Variants in ATP1B3 observed in about 807,000 individuals in gnomAD.
The protein encoded by ATP1B3 is ATPase Na+/K+ transporting subunit beta 3.
A neutral mutation model predicts 30.2 loss-of-function variants in ATP1B3; 10 were observed. That is an observed-to-expected ratio of 0.33 (90% CI 0.20 to 0.56). The LOEUF is 0.56. ATP1B3 is among the 20% of genes least tolerant of loss of function. ATP1B3 has a pLI of 0.90. For missense variants in ATP1B3, 238 were observed against 336.7 expected (o/e 0.71, Z 2.29); for synonymous variants, 113 against 117.0 (o/e 0.97, Z 0.22).
At chr3:141,877,744 A>G (rs1394718296) in intron 1 of ATP1B3, among the ~76,000 whole-genome samples, 2 of 150,384 alleles carry the variant, frequency 1.3e-5, no homozygotes, top group Admixed American at 1.3e-4. Context: ...TCTTTGTTTT[A>G]ATATATTTAA....
At chr3:141,920,425 G>T (rs1446754124) in intron 5 of ATP1B3, among the ~76,000 whole-genome samples, 3 of 152,080 alleles carry the variant, frequency 2.0e-5, no homozygotes, top group Non-Finnish European at 4.4e-5. Context: ...TATTCAGGAG[G>T]CTGAGACAGG....
intron 4 of ATP1B3, among the ~76,000 whole-genome samples, chr3:141,915,268 A>G (rs953199861): frequency 7.2e-5 from 11 of 152,246 alleles, no homozygotes; most frequent in African/African-American, 2.7e-4. Flanking sequence ...AGATGAGCTT[A>G]CGTAGTGTAG....
chr3:141,903,194 T>C (rs911296411), intron 1 of ATP1B3, among the ~76,000 whole-genome samples: 2 of 152,222 alleles, frequency 1.3e-5, no homozygotes, highest in East Asian at 1.9e-4. Context: ...CTGTGAAATA[T>C]GCGTTTCATG....
At chr3:141,893,030 T>C (rs1463504982) in intron 1 of ATP1B3, among the ~76,000 whole-genome samples, 1 of 152,120 alleles carries the variant, frequency 6.6e-6, no homozygotes, top group East Asian at 1.9e-4. Context: ...CTTAGTTTTT[T>C]CTTTTTCTCA....
At chr3:141,917,145 G>A (rs1473440046) in intron 5 of ATP1B3, among the ~76,000 whole-genome samples, 1 of 151,560 alleles carries the variant, frequency 6.6e-6, no homozygotes, top group African/African-American at 2.4e-5. Context: ...GAGTCACCGC[G>A]CCTGGCCCAA....
intron 4 of ATP1B3, among the ~76,000 whole-genome samples, chr3:141,914,333 T>C (rs921841415): frequency 1.3e-5 from 2 of 152,156 alleles, no homozygotes; most frequent in African/African-American, 4.8e-5. Flanking sequence ...ACAAATAAAA[T>C]CCCATTCTAA....
intron 5 of ATP1B3, 58 bp from the exon 6 acceptor site, chr3:141,921,917 CAT>C (rs751866120): frequency 1.9e-5 from 17 of 909,488 alleles, no homozygotes; most frequent in Non-Finnish European, 2.3e-5. Flanking sequence ...TAATTATAAA[CAT>C]AGTTTTTACA....
intron 3 of ATP1B3, 42 bp from the exon 4 acceptor site, chr3:141,913,610 C>T: frequency 2.0e-6 from 3 of 1,484,152 alleles, no homozygotes; most frequent in South Asian, 1.4e-5. Flanking sequence ...TTTTTAGTAC[C>T]TTTTTTGGCT....
At chr3:141,923,086 T>G (rs1456912086) in intron 6 of ATP1B3, among the ~76,000 whole-genome samples, 1 of 152,154 alleles carries the variant, frequency 6.6e-6, no homozygotes, top group Non-Finnish European at 1.5e-5. Flanking sequence ...TAGACCAGCC[T>G]GACTAGCATA....
chr3:141,893,041 C>G (rs1222050713), intron 1 of ATP1B3, among the ~76,000 whole-genome samples: 1 of 152,072 alleles, frequency 6.6e-6, no homozygotes, highest in Admixed American at 6.6e-5. Flanking sequence ...CTTTTTCTCA[C>G]CCAGGCTGGA....
rs1287839347 is a variant in ATP1B3 at position 141,889,774 on chromosome 3, C to T, written c.109+12864C>T. Among the ~76,000 whole-genome samples the T allele has an allele frequency of 4.1e-3, 577 of 139,630 alleles. 16 individuals carry two copies. The highest frequency in any genetic ancestry group is 0.011 in the African/African-American group (409 of 36,302). The allele number at this position is 139,630 out of a possible 152,430, so 91.6% of individuals were successfully genotyped here. Reference sequence around the variant, plus strand: ...AAATATATACACACACACACACACACACACACACACACACACACACACGTA... The same window carrying T: ...AAATATATACACACACACACACACATACACACACACACACACACACACGTA... On this transcript the variant is annotated intron_variant, in intron 1 of 6. Coordinates refer to ENST00000286371, the MANE Select transcript of ATP1B3 (RefSeq NM_001679.4).
At chr3:141,901,796 A>T (rs1455181476) in intron 1 of ATP1B3, among the ~76,000 whole-genome samples, 1 of 152,238 alleles carries the variant, frequency 6.6e-6, no homozygotes, top group Admixed American at 6.5e-5. Flanking sequence ...ATATTTTAAG[A>T]TGACTTAAAA....
intron 1 of ATP1B3, among the ~76,000 whole-genome samples, chr3:141,890,374 C>G (rs1006557714): frequency 6.4e-5 from 8 of 124,498 alleles, no homozygotes; most frequent in Non-Finnish European, 1.3e-4. Context: ...ATGATTTTGG[C>G]TCACTGCAAC....
intron 1 of ATP1B3, among the ~76,000 whole-genome samples, chr3:141,899,200 T>C (rs1934118571): frequency 6.6e-6 from 1 of 152,214 alleles, no homozygotes; most frequent in South Asian, 2.1e-4. Context: ...ACTTTACATA[T>C]GTGAATGGTA....
chr3:141,925,548 A>T lies in ATP1B3; in HGVS notation c.687A>T (p.Pro229=), dbSNP rs760865086. Residue 229 remains proline, a synonymous_variant, in exon 7 of 7, where the codon CCA becomes CCT. Transcript: ENST00000286371. ...GKKLHVGYLQ[P]LVAVQVSFAP... ...ATTGCCAGGTTGGGTATCTACAGCCATTGGTTGCTGTTCAGGTCAGCTTTG... is the reference window on the plus strand; with the variant it reads ...ATTGCCAGGTTGGGTATCTACAGCCTTTGGTTGCTGTTCAGGTCAGCTTTG... 6.2e-7 allele frequency: 1 copy of T among 1,609,166 alleles called. No homozygotes were observed. Among genetic ancestry groups the T allele is most frequent in the South Asian group, 1.1e-5 (1 of 89,940 alleles).
intron 1 of ATP1B3, among the ~76,000 whole-genome samples, chr3:141,878,695 A>G (rs1024924594): frequency 6.6e-6 from 1 of 152,256 alleles, no homozygotes; most frequent in African/African-American, 2.4e-5. Context: ...AAACTAGTAC[A>G]AGTGAAGTTG....
chr3:141,924,363 G>T (rs1934617016), intron 6 of ATP1B3, among the ~76,000 whole-genome samples: 1 of 150,108 alleles, frequency 6.7e-6, no homozygotes. Flanking sequence ...AAAAGGCCAG[G>T]TGCAGTGGCT....
At chr3:141,905,334 A>T (rs983315415) in intron 2 of ATP1B3, among the ~76,000 whole-genome samples, 1 of 152,128 alleles carries the variant, frequency 6.6e-6, no homozygotes, top group East Asian at 1.9e-4. Context: ...TTTGGTTGTT[A>T]CAGCTAGAGA....
At chr3:141,881,238 GC>G (rs1933720544) in intron 1 of ATP1B3, among the ~76,000 whole-genome samples, 1 of 151,356 alleles carries the variant, frequency 6.6e-6, no homozygotes, top group Non-Finnish European at 1.5e-5. Flanking sequence ...AACCAACTAT[GC>G]CATGATGTGT....
Sources: allele counts gnomAD v4.1 joint callset (sites outside exome capture counted in the v4.1 genomes callset), GRCh38; gene constraint gnomAD v4.1.1; transcripts MANE v1.5; gene names NCBI Gene and HGNC (gene_info 2026-07-23, HGNC 2026-07-21).